Variants in NSMCE2 observed in about 807,000 individuals in gnomAD.
The protein encoded by NSMCE2 is NSE2 SUMO ligase component of SMC5/6 complex, also known as E3 SUMO-protein ligase NSE2.
NSMCE2 carries 24 observed loss-of-function variants against 23.8 expected under a neutral mutation model. That is an observed-to-expected ratio of 1.01 (90% CI 0.73 to 1.42). The LOEUF is 1.42. Ranked by LOEUF, NSMCE2 falls within the 40% of genes most tolerant of loss-of-function variation. NSMCE2 has a pLI of 0.00. For synonymous variants in NSMCE2, 92 were observed against 94.1 expected (o/e 0.98, Z 0.13); for missense variants, 284 against 296.5 (o/e 0.96, Z 0.31).
chr8:125,105,506 A>G (rs899438636), intron 3 of NSMCE2, among the ~76,000 whole-genome samples: 2 of 152,008 alleles, frequency 1.3e-5, no homozygotes, highest in Admixed American at 6.6e-5. Flanking sequence ...AATAAGAGGT[A>G]TATTTTGTTG....
chr8:125,349,985 A>T (rs1314922648), intron 5 of NSMCE2, among the ~76,000 whole-genome samples: 1 of 152,190 alleles, frequency 6.6e-6, no homozygotes, highest in East Asian at 1.9e-4. Flanking sequence ...TCTGCTAAAT[A>T]TGTTAAGTGT....
intron 1 of NSMCE2, among the ~76,000 whole-genome samples, chr8:125,098,149 C>G (rs1425621451): frequency 6.6e-6 from 1 of 152,164 alleles, no homozygotes; most frequent in Non-Finnish European, 1.5e-5. Flanking sequence ...CCCAGACATA[C>G]TGAATTAGAA....
At chr8:125,151,561 A>G (rs1040209056) in intron 4 of NSMCE2, among the ~76,000 whole-genome samples, 2 of 152,212 alleles carry the variant, frequency 1.3e-5, no homozygotes, top group Non-Finnish European at 2.9e-5. Flanking sequence ...GGAGATTTTT[A>G]TAAAATCCTA....
intron 4 of NSMCE2, among the ~76,000 whole-genome samples, chr8:125,168,679 T>C (rs567124024): frequency 6.6e-6 from 1 of 152,312 alleles, no homozygotes; most frequent in South Asian, 2.1e-4. Context: ...CGTGCTCTAA[T>C]CTCTTCCCAG....
At position 125,357,247 on chromosome 8, in the gene NSMCE2, CG is replaced by C. The variant is rs1233806181; in HGVS notation, c.449del (p.Gly150GlufsTer9). 1.2e-6 allele frequency: 2 copies of C among 1,612,940 alleles called. No homozygotes were observed. Among genetic ancestry groups the C allele is most frequent in the African/African-American group, 2.7e-5 (2 of 74,880 alleles). On this transcript the variant is annotated frameshift_variant, in exon 6 of 8. Transcript: ENST00000287437. LOFTEE classifies it high-confidence loss of function. ...GTCTTCAAGCTGACAGAGAAGCTGACGGAACAGAAGGAGTGGATGAAGATAT... is the reference window on the plus strand; with the variant it reads ...GTCTTCAAGCTGACAGAGAAGCTGACGAACAGAAGGAGTGGATGAAGATAT... ...CGLQADREAD[G>X]TEGVDEDIIV...
intron 4 of NSMCE2, among the ~76,000 whole-genome samples, chr8:125,180,710 A>G (rs1317889100): frequency 6.6e-6 from 1 of 152,202 alleles, no homozygotes; most frequent in Non-Finnish European, 1.5e-5. Context: ...CATTTTATTT[A>G]TTTGTGAAAC....
intron 1 of NSMCE2, among the ~76,000 whole-genome samples, chr8:125,097,093 G>A (rs1366040004): frequency 6.6e-6 from 1 of 152,124 alleles, no homozygotes; most frequent in Non-Finnish European, 1.5e-5. Flanking sequence ...CAGTGAGATT[G>A]TAAACAAGCA....
intron 3 of NSMCE2, among the ~76,000 whole-genome samples, chr8:125,109,361 TG>T (rs1818621316): frequency 6.6e-6 from 1 of 152,196 alleles, no homozygotes; most frequent in Non-Finnish European, 1.5e-5. Flanking sequence ...AGTAATTTGG[TG>T]TGCATTTGAG....
intron 5 of NSMCE2, among the ~76,000 whole-genome samples, chr8:125,203,437 C>T (rs1331158047): frequency 6.6e-6 from 1 of 152,182 alleles, no homozygotes; most frequent in Non-Finnish European, 1.5e-5. Flanking sequence ...ACAGCCAGCC[C>T]ATAGGTCTTT....
At chr8:125,265,341 C>T (rs1037622658) in intron 5 of NSMCE2, among the ~76,000 whole-genome samples, 21 of 152,012 alleles carry the variant, frequency 1.4e-4, no homozygotes, top group African/African-American at 5.1e-4. Context: ...CCTACCTCAG[C>T]CTCCCAAGTA....
At chr8:125,278,777 C>A (rs1827574482) in intron 5 of NSMCE2, among the ~76,000 whole-genome samples, 1 of 151,712 alleles carries the variant, frequency 6.6e-6, no homozygotes, top group Admixed American at 6.6e-5. Context: ...TCACTTCCAC[C>A]TGTTCAAAAA....
chr8:125,108,803 TAA>T (rs780678796), intron 3 of NSMCE2, among the ~76,000 whole-genome samples: 2 of 152,188 alleles, frequency 1.3e-5, no homozygotes, highest in Non-Finnish European at 2.9e-5. Flanking sequence ...CAAAGATAAA[TAA>T]AGGTTTCTTC....
chr8:125,104,995 C>T (rs1818387372), intron 3 of NSMCE2, among the ~76,000 whole-genome samples: 1 of 152,144 alleles, frequency 6.6e-6, no homozygotes, highest in African/African-American at 2.4e-5. Flanking sequence ...TGTACTCCAG[C>T]CTGGGGAAGA....
intron 5 of NSMCE2, among the ~76,000 whole-genome samples, chr8:125,241,789 T>A (rs911985674): frequency 2.6e-5 from 4 of 152,136 alleles, no homozygotes; most frequent in African/African-American, 9.7e-5. Context: ...ATCACAGAAT[T>A]TAGTAATTGA....
At chr8:125,320,098 C>T (rs1386417171) in intron 5 of NSMCE2, among the ~76,000 whole-genome samples, 2 of 150,898 alleles carry the variant, frequency 1.3e-5, no homozygotes, top group Non-Finnish European at 1.5e-5. Flanking sequence ...ATCGCTTGAA[C>T]CCAGGAGGTG....
chr8:125,141,636 C>CT (rs1487190513), intron 3 of NSMCE2, among the ~76,000 whole-genome samples: 1 of 152,204 alleles, frequency 6.6e-6, no homozygotes, highest in African/African-American at 2.4e-5. Flanking sequence ...TTTTAAAAAT[C>CT]TATGTCCTTC....
intron 6 of NSMCE2, 112 bp from the exon 7 acceptor site, chr8:125,357,600 G>A (rs1813339720): frequency 2.6e-6 from 2 of 780,708 alleles, no homozygotes; most frequent in Non-Finnish European, 4.3e-6. Flanking sequence ...TAGTAATTAT[G>A]TAAAGCCATG....
At chr8:125,209,738 A>G (rs1048485302) in intron 5 of NSMCE2, among the ~76,000 whole-genome samples, 8 of 152,160 alleles carry the variant, frequency 5.3e-5, no homozygotes, top group Non-Finnish European at 8.8e-5. Flanking sequence ...GTCTAACTTA[A>G]TTGCTACCAT....
chr8:125,238,520 G>C (rs1202905042), intron 5 of NSMCE2, among the ~76,000 whole-genome samples: 2 of 152,064 alleles, frequency 1.3e-5, no homozygotes, highest in African/African-American at 2.4e-5. Flanking sequence ...TAAAAAAATT[G>C]AATAGTGTAT....
Sources: allele counts gnomAD v4.1 joint callset (sites outside exome capture counted in the v4.1 genomes callset), GRCh38; gene constraint gnomAD v4.1.1; transcripts MANE v1.5; gene names NCBI Gene and HGNC (gene_info 2026-07-23, HGNC 2026-07-21).